The following ZNF248 variants were observed in gnomAD, a reference collection of about 807,000 sequenced individuals.
ZNF248 encodes zinc finger protein 248.
A neutral mutation model predicts 44.3 loss-of-function variants in ZNF248; 20 were observed. The ratio of observed to expected loss-of-function variants is 0.45; its 90% CI spans 0.32 to 0.66. The LOEUF (loss-of-function observed/expected upper bound fraction) is 0.66, where lower values mean the gene tolerates loss of function less well. ZNF248 is among the 30% of genes least tolerant of loss of function. The pLI is 0.04. For synonymous variants in ZNF248, 224 were observed against 229.0 expected, an observed-to-expected ratio of 0.98 and a Z score of 0.20; for missense variants, 654 against 677.0, an observed-to-expected ratio of 0.97 and a Z score of 0.38.
At chr10:37,772,134 A>G (rs1297113371), downstream of ZNF248, among the ~76,000 whole-genome samples, 1 of 152,058 alleles carries the variant, frequency 6.6e-6, no homozygotes, top group East Asian at 1.9e-4. Context: ...GCGTGGTGGC[A>G]TGCACCTGTA....
intron 6 of ZNF248, among the ~76,000 whole-genome samples, chr10:37,822,362 C>T (rs2053615804): frequency 6.6e-6 from 1 of 151,870 alleles, no homozygotes; most frequent in Admixed American, 6.6e-5. Context: ...GACTGTTTTC[C>T]CAGGTTGCAA....
At chr10:37,778,391 T>C (rs1207569391) in intron 6 of ZNF248, among the ~76,000 whole-genome samples, 1 of 152,184 alleles carries the variant, frequency 6.6e-6, no homozygotes, top group African/African-American at 2.4e-5. Flanking sequence ...TTGTTTGTTT[T>C]TTTCTTGTAA....
chr10:37,840,617 A>C (rs1022995235), intron 3 of ZNF248, among the ~76,000 whole-genome samples: 1 of 152,088 alleles, frequency 6.6e-6, no homozygotes, highest in Non-Finnish European at 1.5e-5. Context: ...ATTTCTTACA[A>C]AGCTAAACAA....
At chr10:37,820,811 C>T (rs2053340274) in intron 6 of ZNF248, 3 of 1,188,476 alleles carry the variant, frequency 2.5e-6, no homozygotes, top group Admixed American at 3.4e-5. Flanking sequence ...CTTTTGTTTC[C>T]TGATTTTCCA....
At chr10:37,808,716 T>C (rs2050998896) in intron 6 of ZNF248, among the ~76,000 whole-genome samples, 1 of 152,198 alleles carries the variant, frequency 6.6e-6, no homozygotes, top group Non-Finnish European at 1.5e-5. Context: ...GGCTGTGATA[T>C]CAAAGTAATA....
At chr10:37,760,004 G>C in the ZNF248 span, among the ~76,000 whole-genome samples, 1 of 152,172 alleles carries the variant, frequency 6.6e-6, no homozygotes, top group Non-Finnish European at 1.5e-5. Flanking sequence ...GAGGAGCAGA[G>C]CTGTCCAGAA....
intron 3 of ZNF248, among the ~76,000 whole-genome samples, chr10:37,843,606 C>A (rs1476902138): frequency 1.3e-5 from 2 of 152,028 alleles, no homozygotes; most frequent in African/African-American, 4.8e-5. Context: ...CTTAAGGAAG[C>A]CCAGATATTG....
intron 6 of ZNF248, chr10:37,794,846 T>C (rs1422148023): frequency 1.3e-5 from 2 of 156,048 alleles, no homozygotes; most frequent in African/African-American, 4.8e-5. Flanking sequence ...CCTATGTGTA[T>C]TCTCTGATGT....
chr10:37,788,316 C>G (rs1199343089), intron 6 of ZNF248, among the ~76,000 whole-genome samples: 3 of 144,740 alleles, frequency 2.1e-5, no homozygotes, highest in African/African-American at 5.1e-5. Context: ...AGACATTTAT[C>G]AAAGAAAATA....
At position 37,831,990 on chromosome 10, in the gene ZNF248, C is replaced by T; in HGVS notation, c.1365G>A (p.Gln455=). The T allele has an allele frequency of 6.2e-7, 1 of 1,614,064 alleles. No homozygotes were observed. The highest frequency in any genetic ancestry group is 8.5e-7 in the Non-Finnish European group (1 of 1,179,916). ...AGGGCTTCTCCCCTGTGTGTGTTCTCTGATGTTCAGTGAGGTTTGACTTCA... is the reference window on the plus strand; with the variant it reads ...AGGGCTTCTCCCCTGTGTGTGTTCTTTGATGTTCAGTGAGGTTTGACTTCA... The part of the protein sequence containing the change: ...FCVKSNLTEH[Q]RTHTGEKPYE... The change falls in exon 6 of 6, where the codon CAG becomes CAA. Residue 455 remains glutamine, a synonymous_variant. Transcript: ENST00000395867.
intron 6 of ZNF248, among the ~76,000 whole-genome samples, chr10:37,781,560 G>C (rs2047323285): frequency 6.6e-6 from 1 of 150,974 alleles, no homozygotes; most frequent in African/African-American, 2.4e-5. Flanking sequence ...ACACCCCTTA[G>C]CCGTTAATTC....
chr10:37,760,268 GC>G, the ZNF248 span, among the ~76,000 whole-genome samples: 1 of 152,122 alleles, frequency 6.6e-6, no homozygotes, highest in Non-Finnish European at 1.5e-5. Flanking sequence ...TTGCTCTGTT[GC>G]CCAGGCTGGA....
chr10:37,820,128 T>G, intron 6 of ZNF248: 1 of 1,021,108 alleles, frequency 9.8e-7, no homozygotes, highest in Non-Finnish European at 1.6e-6. Flanking sequence ...CACAGTTGGC[T>G]CTTAATAAAT....
At chr10:37,769,236 A>G in the ZNF248 span, among the ~76,000 whole-genome samples, 4 of 152,230 alleles carry the variant, frequency 2.6e-5, no homozygotes, top group Non-Finnish European at 5.9e-5. Context: ...TATTCCAATC[A>G]ATAGAAAAAG....
chr10:37,796,012 C>T (rs1011150384), intron 6 of ZNF248: 1 of 152,090 alleles, frequency 6.6e-6, no homozygotes, highest in Admixed American at 6.5e-5. Flanking sequence ...ATTGGTTATA[C>T]AATTGCACTT....
Position 37,834,771 on chromosome 10 carries a change from A to G in ZNF248, c.239-1655T>C, listed in dbSNP as rs1231183859. 2.0e-5 allele frequency among the ~76,000 whole-genome samples: 3 copies of G among 152,196 alleles called. No individual in the cohort carries two copies. The East Asian group carries it at 5.8e-4, about 29-fold the overall frequency. ...TATTCAATTTCTAAACACTTTACAA[A>G]CACAGTATGAATTACCTGAAAAAAG... On this transcript the variant is annotated intron_variant, in intron 5 of 5. Coordinates refer to ENST00000395867, the MANE Select transcript of ZNF248 (RefSeq NM_021045.3).
chr10:37,820,952 G>A lies in ZNF248; in HGVS notation c.330+12073C>T, dbSNP rs538463708. On this transcript the variant is annotated intron_variant, in intron 6 of 6. Transcript: ENST00000615949. ...CTGGCCTCCAATAATTCCTGCCGTCGTGGGTCCAGGCTATGCAATTCTTCC... is the reference window on the plus strand; with the variant it reads ...CTGGCCTCCAATAATTCCTGCCGTCATGGGTCCAGGCTATGCAATTCTTCC... The A allele has an allele frequency of 1.3e-5, 21 of 1,594,460 alleles. 1 individual carries two copies. The highest frequency in any genetic ancestry group is 6.7e-5 in the African/African-American group (5 of 74,520).
rs1049403327 is a variant in ZNF248, at chr10:37,837,112, TTTTG to T, written c.238+501_238+504del. Among the ~76,000 whole-genome samples the T allele has an allele frequency of 7.5e-4, 114 of 152,120 alleles. 1 individual carries two copies. The East Asian group carries it at 8.3e-3, about 11-fold the overall frequency. On this transcript the variant is annotated intron_variant, in intron 5 of 5. Coordinates refer to ENST00000395867, the MANE Select transcript of ZNF248 (RefSeq NM_021045.3). ...AAAAAAAAAAAAAGTGTTTGTTTTTTTTTGTTTGTTTGTTTGTTTTGAGACTGAG... is the reference window on the plus strand; with the variant it reads ...AAAAAAAAAAAAAGTGTTTGTTTTTTTTTGTTTGTTTGTTTTGAGACTGAG...
At chr10:37,822,345 T>C (rs1291418440) in intron 6 of ZNF248, among the ~76,000 whole-genome samples, 1 of 152,048 alleles carries the variant, frequency 6.6e-6, no homozygotes, top group African/African-American at 2.4e-5. Flanking sequence ...TAAAGTGTCA[T>C]CTCCATGACT....
Sources: gnomAD v4.1 joint callset for allele counts (sites outside exome capture counted in the v4.1 genomes callset) on GRCh38, gnomAD v4.1.1 for gene constraint, MANE v1.5 for transcripts, NCBI Gene and HGNC (gene_info 2026-07-23, HGNC 2026-07-21) for gene names.